WFDC9: variants seen among roughly 807,000 people sequenced by gnomAD.
WFDC9 encodes the protein protein WFDC9.
WFDC9 carries 9 observed loss-of-function variants against 9.5 expected under a neutral mutation model. That is an observed-to-expected ratio of 0.95 (90% CI 0.57 to 1.65). WFDC9 has a LOEUF of 1.65. Ranked by LOEUF, WFDC9 falls within the 40% of genes most tolerant of loss-of-function variation. The pLI, the probability that WFDC9 is intolerant of heterozygous loss-of-function variation, is 0.00. For missense variants in WFDC9, 87 were observed against 106.7 expected (o/e 0.82, Z 0.81); for synonymous variants, 33 against 32.3 (o/e 1.02, Z -0.07).
At chr20:45,629,667 T>C (rs1488362769) in intron 1 of WFDC9, 4 of 983,386 alleles carry the variant, frequency 4.1e-6, no homozygotes, top group Non-Finnish European at 4.4e-6. Context: ...GAGGAAGGAC[T>C]CTCTTGCTCT....
At chr20:45,625,807 CTTTTTTTTTTT>C (rs76758338) in intron 1 of WFDC9, among the ~76,000 whole-genome samples, 2 of 46,416 alleles carry the variant, frequency 4.3e-5, no homozygotes, top group African/African-American at 9.7e-5. Context: ...GTTCTCTATT[CTTTTTTTTTTT>C]TTTTTTTTTT....
At chr20:45,609,616 T>G (rs1568651206) in intron 3 of WFDC9, among the ~76,000 whole-genome samples, 1 of 152,178 alleles carries the variant, frequency 6.6e-6, no homozygotes, top group Non-Finnish European at 1.5e-5. Flanking sequence ...TTGTCCACAT[T>G]TTCTTATCAT....
chr20:45,624,478 C>G (rs1982173373), intron 1 of WFDC9, among the ~76,000 whole-genome samples: 1 of 152,048 alleles, frequency 6.6e-6, no homozygotes, highest in Admixed American at 6.6e-5. Flanking sequence ...TGTTAGACAC[C>G]TAGGTTGAGT....
intron 1 of WFDC9, among the ~76,000 whole-genome samples, chr20:45,621,599 T>G (rs1278822129): frequency 6.6e-6 from 1 of 152,180 alleles, no homozygotes; most frequent in East Asian, 1.9e-4. Context: ...ATATCTGCTT[T>G]TATTTTGGGA....
In WFDC9 at chr20:45,620,551, C is replaced by T. The variant is rs138656106; in HGVS notation, c.-152-5830G>A. 1.0e-3 allele frequency among the ~76,000 whole-genome samples: 157 copies of T among 152,252 alleles called. 1 individual carries two copies. In the East Asian group the frequency reaches 0.018, roughly 17 times the overall value. On this transcript the variant is annotated intron_variant, in intron 1 of 4. Transcript: ENST00000326000. ...AGATTGCAGTGAGCCAAGAGAGCACCGCTGTACTCCAGCCTGGGTGATAGA... is the reference window on the plus strand; with the variant it reads ...AGATTGCAGTGAGCCAAGAGAGCACTGCTGTACTCCAGCCTGGGTGATAGA...
chr20:45,629,729 T>C, intron 1 of WFDC9: 1 of 1,503,874 alleles, frequency 6.6e-7, no homozygotes, highest in Non-Finnish European at 9.0e-7. Context: ...ATTCCTTCTT[T>C]CCTTCCTTCA....
At chr20:45,624,063 G>A (rs1187454358) in intron 1 of WFDC9, among the ~76,000 whole-genome samples, 5 of 152,140 alleles carry the variant, frequency 3.3e-5, no homozygotes, top group Middle Eastern at 3.4e-3. Context: ...ATGGTGGCAC[G>A]TGCCTGTAGT....
At chr20:45,623,192 G>A (rs1268913388) in intron 1 of WFDC9, among the ~76,000 whole-genome samples, 2 of 152,122 alleles carry the variant, frequency 1.3e-5, no homozygotes, top group Non-Finnish European at 2.9e-5. Context: ...CAGGAAAATA[G>A]CAAACAGATG....
intron 1 of WFDC9, chr20:45,630,788 A>C (rs1982344059): frequency 7.0e-7 from 1 of 1,434,548 alleles, no homozygotes; most frequent in Non-Finnish European, 9.2e-7. Context: ...ACCTGGGTTC[A>C]AGGGTCTTGG....
chr20:45,610,382 T>A (rs1981834680), intron 2 of WFDC9, 143 bp from the exon 3 acceptor site: 1 of 467,824 alleles, frequency 2.1e-6, no homozygotes, highest in Non-Finnish European at 3.8e-6. Flanking sequence ...TTCCCCAGGT[T>A]TCTTCTCATC....
chr20:45,629,858 G>A, intron 1 of WFDC9: 1 of 1,614,098 alleles, frequency 6.2e-7, no homozygotes, highest in Non-Finnish European at 8.5e-7. Flanking sequence ...TCTGTGTGCT[G>A]CTGCTGCAGG....
intron 1 of WFDC9, among the ~76,000 whole-genome samples, chr20:45,621,361 T>C (rs1298306283): frequency 6.6e-6 from 1 of 152,222 alleles, no homozygotes; most frequent in Admixed American, 6.5e-5. Flanking sequence ...TTCTTCTTAA[T>C]CCCTAAATTT....
chr20:45,627,212 GGTTT>G (rs772868816), intron 1 of WFDC9, among the ~76,000 whole-genome samples: 2 of 152,006 alleles, frequency 1.3e-5, no homozygotes, highest in African/African-American at 2.4e-5. Context: ...TGTTGAATTG[GGTTT>G]GTTAGTATTT....
At chr20:45,625,156 G>A (rs574451457) in intron 1 of WFDC9, among the ~76,000 whole-genome samples, 1 of 152,316 alleles carries the variant, frequency 6.6e-6, no homozygotes, top group East Asian at 1.9e-4. Context: ...GGGGAAGCAA[G>A]GCACGTCCTA....
chr20:45,630,757 T>C (rs1982343216), intron 1 of WFDC9: 3 of 1,190,672 alleles, frequency 2.5e-6, no homozygotes, highest in Non-Finnish European at 3.4e-6. Context: ...GAAGAAGGAA[T>C]CCAGGAGTAT....
At chr20:45,614,865 T>G (rs16990461) in intron 1 of WFDC9, 144 bp from the exon 2 acceptor site, 1 of 152,198 alleles carries the variant, frequency 6.6e-6, no homozygotes, top group Admixed American at 6.5e-5. Flanking sequence ...CCCATCCAGA[T>G]GTACTCAATT....
chr20:45,630,861 C>A, intron 1 of WFDC9: 1 of 1,590,590 alleles, frequency 6.3e-7, no homozygotes, highest in East Asian at 2.3e-5. Flanking sequence ...GTTCTATTCT[C>A]CTTGTCAGAA....
intron 1 of WFDC9, among the ~76,000 whole-genome samples, chr20:45,628,810 A>C (rs1168623133): frequency 6.6e-6 from 1 of 152,204 alleles, no homozygotes; most frequent in Non-Finnish European, 1.5e-5. Flanking sequence ...AATCTTTAGA[A>C]GATTATCATC....
chr20:45,629,639 G>A (rs1982306124), intron 1 of WFDC9: 3 of 731,900 alleles, frequency 4.1e-6, no homozygotes, highest in Non-Finnish European at 6.4e-6. Context: ...GAACGACAAG[G>A]CCAGGGGCAA....
Sources: gnomAD v4.1 joint callset for allele counts (sites outside exome capture counted in the v4.1 genomes callset) on GRCh38, gnomAD v4.1.1 for gene constraint, MANE v1.5 for transcripts, NCBI Gene and HGNC (gene_info 2026-07-23, HGNC 2026-07-21) for gene names.